SCFD2: variants seen among roughly 807,000 people sequenced by gnomAD.
SCFD2 encodes the protein sec1 family domain containing 2.
Under a neutral mutation model 58.9 loss-of-function variants are expected in SCFD2, and 54 were observed. The ratio of observed to expected loss-of-function variants is 0.92; its 90% CI spans 0.74 to 1.15. SCFD2 has a LOEUF of 1.15. Among genes scored for constraint, SCFD2 ranks in the 50% most tolerant of loss-of-function variants. The probability of loss-of-function intolerance (pLI) is 0.00; values close to 1 mark genes in which losing one functional copy is unlikely to be tolerated. For synonymous variants in SCFD2, 321 were observed against 335.9 expected, an observed-to-expected ratio of 0.96 and a Z score of 0.49; for missense variants, 805 against 836.6, an observed-to-expected ratio of 0.96 and a Z score of 0.47.
At chr4:53,220,005 T>C (rs1294533670) in intron 4 of SCFD2, among the ~76,000 whole-genome samples, 13 of 152,098 alleles carry the variant, frequency 8.5e-5, no homozygotes, top group African/African-American at 3.1e-4. Flanking sequence ...GGAGGTGTTT[T>C]TGCCCTTCCT....
intron 6 of SCFD2, among the ~76,000 whole-genome samples, chr4:52,913,304 T>C (rs1719528870): frequency 6.6e-6 from 1 of 152,150 alleles, no homozygotes; most frequent in Admixed American, 6.5e-5. Flanking sequence ...TTCATCAGTA[T>C]TTACAGTTGC....
At chr4:53,278,742 T>A (rs1731412325) in intron 3 of SCFD2, among the ~76,000 whole-genome samples, 2 of 152,168 alleles carry the variant, frequency 1.3e-5, no homozygotes, top group Middle Eastern at 3.2e-3. Flanking sequence ...CTCTGTTCTA[T>A]TCCCCTTTGT....
chr4:52,963,727 T>C (rs1167118414), intron 5 of SCFD2, among the ~76,000 whole-genome samples: 1 of 152,184 alleles, frequency 6.6e-6, no homozygotes, highest in Non-Finnish European at 1.5e-5. Flanking sequence ...TTCTCTTCTG[T>C]AAATTTGGTG....
chr4:53,237,958 A>C (rs1223855897), intron 4 of SCFD2, among the ~76,000 whole-genome samples: 10 of 76,926 alleles, frequency 1.3e-4, no homozygotes, highest in Admixed American at 1.4e-4. Flanking sequence ...CGAGGGGCTG[A>C]CCCCCCCACC....
chr4:53,322,432 C>A (rs1733053774), intron 2 of SCFD2, among the ~76,000 whole-genome samples: 1 of 152,116 alleles, frequency 6.6e-6, no homozygotes, highest in African/African-American at 2.4e-5. Context: ...CACAAATAAT[C>A]CACCCTTAAA....
chr4:52,906,798 A>G (rs998998568), intron 7 of SCFD2, among the ~76,000 whole-genome samples: 2 of 152,244 alleles, frequency 1.3e-5, no homozygotes, highest in African/African-American at 4.8e-5. Flanking sequence ...AGTTATTACA[A>G]GTGAAATCCT....
At chr4:53,092,014 CAGAAA>C (rs1338206348) in intron 5 of SCFD2, among the ~76,000 whole-genome samples, 1 of 151,998 alleles carries the variant, frequency 6.6e-6, no homozygotes, top group Non-Finnish European at 1.5e-5. Flanking sequence ...GCAGATGTGA[CAGAAA>C]AGAAGACGTC....
chr4:53,109,154 T>A (rs1473235948), intron 5 of SCFD2, among the ~76,000 whole-genome samples: 2 of 152,052 alleles, frequency 1.3e-5, no homozygotes, highest in Admixed American at 1.3e-4. Flanking sequence ...AGGCCTTCGA[T>A]AAAATTCAAC....
At chr4:53,259,831 G>C (rs1577908896) in intron 4 of SCFD2, among the ~76,000 whole-genome samples, 1 of 152,044 alleles carries the variant, frequency 6.6e-6, no homozygotes, top group African/African-American at 2.4e-5. Flanking sequence ...TCACAATATT[G>C]ATTCTACTCA....
chr4:52,955,867 C>T (rs867463225), intron 5 of SCFD2: 1 of 346,198 alleles, frequency 2.9e-6, no homozygotes, highest in African/African-American at 2.2e-5. Flanking sequence ...ATTGCGTGCC[C>T]AAGTTAGCAT....
chr4:53,039,009 CA>C (rs1278888539), intron 5 of SCFD2, among the ~76,000 whole-genome samples: 1 of 152,050 alleles, frequency 6.6e-6, no homozygotes, highest in Non-Finnish European at 1.5e-5. Context: ...TTAATACCGA[CA>C]AAAATATTTC....
chr4:52,971,329 G>A (rs1299380485), intron 5 of SCFD2, among the ~76,000 whole-genome samples: 1 of 152,218 alleles, frequency 6.6e-6, no homozygotes, highest in African/African-American at 2.4e-5. Flanking sequence ...TAAAGGACCT[G>A]ACGGAGCTGA....
At chr4:52,960,482 C>T (rs1720820832) in intron 5 of SCFD2, among the ~76,000 whole-genome samples, 1 of 151,870 alleles carries the variant, frequency 6.6e-6, no homozygotes, top group South Asian at 2.1e-4. Flanking sequence ...GATTCTCCTG[C>T]CTCAGCCTCC....
intron 7 of SCFD2, 124 bp downstream of exon 7, chr4:52,907,333 G>T: frequency 1.1e-6 from 1 of 944,620 alleles, no homozygotes. Context: ...CTTGATTTTA[G>T]AAGAGCCAAA....
At position 53,327,425 on chromosome 4, in the gene SCFD2, T is replaced by A. The variant is rs557810284; in HGVS notation, c.1008-13662A>T. Reference sequence around the variant, plus strand: ...CAAAGGCCAAGTGGAGTGAGAAGGATACCCACACCAAGAGTATGATGCACT... The same window carrying A: ...CAAAGGCCAAGTGGAGTGAGAAGGAAACCCACACCAAGAGTATGATGCACT... On this transcript the variant is annotated intron_variant, in intron 2 of 8. Coordinates refer to ENST00000401642, the MANE Select transcript of SCFD2 (RefSeq NM_152540.4). Among the ~76,000 whole-genome samples the A allele has an allele frequency of 2.6e-5, 4 of 152,168 alleles. No homozygotes were observed. In the South Asian group the frequency reaches 8.3e-4, roughly 32 times the overall value.
chr4:53,173,751 C>A (rs1419194075), intron 4 of SCFD2, among the ~76,000 whole-genome samples: 1 of 152,024 alleles, frequency 6.6e-6, no homozygotes, highest in Non-Finnish European at 1.5e-5. Flanking sequence ...TTCTTTTATG[C>A]ATTTTTGCTT....
chr4:52,935,754 G>C (rs889894175), intron 5 of SCFD2, among the ~76,000 whole-genome samples: 24 of 152,120 alleles, frequency 1.6e-4, no homozygotes, highest in African/African-American at 7.2e-5. Context: ...TCAGACTTTG[G>C]GGTAGGTTTT....
At chr4:53,143,453 T>C (rs1183017774) in intron 5 of SCFD2, among the ~76,000 whole-genome samples, 6 of 152,254 alleles carry the variant, frequency 3.9e-5, no homozygotes, top group Non-Finnish European at 8.8e-5. Context: ...TATAGTGTTA[T>C]ACTTAATGAA....
At chr4:53,363,480 C>G (rs534732449) in intron 1 of SCFD2, among the ~76,000 whole-genome samples, 4 of 151,366 alleles carry the variant, frequency 2.6e-5, no homozygotes, top group African/African-American at 9.7e-5. Context: ...TATATTGATA[C>G]TTGACTACAT....
Sources: allele counts gnomAD v4.1 joint callset (sites outside exome capture counted in the v4.1 genomes callset), GRCh38; gene constraint gnomAD v4.1.1; transcripts MANE v1.5; gene names NCBI Gene and HGNC (gene_info 2026-07-23, HGNC 2026-07-21).